Variants in ABCA12 observed in about 807,000 individuals in gnomAD.
The protein encoded by ABCA12 is ATP binding cassette subfamily A member 12.
Under a neutral mutation model 293.5 loss-of-function variants are expected in ABCA12, and 156 were observed. The ratio of observed to expected loss-of-function variants is 0.53; its 90% CI spans 0.47 to 0.61. The LOEUF (loss-of-function observed/expected upper bound fraction) is 0.61. ABCA12 is among the 20% of genes least tolerant of loss of function. ABCA12 has a pLI of 0.00. For missense variants in ABCA12, 2,797 were observed against 3,090.2 expected (o/e 0.91, Z 2.25); for synonymous variants, 1,063 against 1,108.0 (o/e 0.96, Z 0.81).
Position 214,953,927 on chromosome 2 carries a change from C to G in ABCA12, c.6574G>C (p.Ala2192Pro). The G allele has an allele frequency of 1.2e-6, 2 of 1,613,982 alleles. No homozygotes were observed. Among genetic ancestry groups the G allele is most frequent in the Non-Finnish European group, 1.7e-6 (2 of 1,179,966 alleles). The change falls in exon 44 of 53, where the codon GCT (alanine) becomes CCT (proline). Residue 2192 changes from alanine (A) to proline (P), a missense_variant. Ala to Pro is a conservative substitution (Grantham distance 27). Coordinates refer to ENST00000272895, the MANE Select transcript of ABCA12 (RefSeq NM_173076.3). ...EMNKLGAMFV[A>P]LVSQGTMFFS... is the part of the protein sequence containing the mutation. ...AACATGGTGCCCTGAGAAACCAAAG[C>G]CACAAACATTGCACCTAGTTTATTC...
chr2:215,047,088 G>A (rs1701218645), intron 6 of ABCA12, among the ~76,000 whole-genome samples: 1 of 152,124 alleles, frequency 6.6e-6, no homozygotes. Flanking sequence ...TGGATAGGGG[G>A]AGGGAAGACA....
chr2:215,079,915 T>C (rs1483863612), intron 2 of ABCA12, among the ~76,000 whole-genome samples: 1 of 152,158 alleles, frequency 6.6e-6, no homozygotes, highest in African/African-American at 2.4e-5. Flanking sequence ...AATACCAAAA[T>C]ACTGGTTGGG....
At chr2:215,012,542 ACATATTT>A (rs1377107505) in intron 15 of ABCA12, among the ~76,000 whole-genome samples, 5 of 152,234 alleles carry the variant, frequency 3.3e-5, no homozygotes, top group South Asian at 2.1e-4. Flanking sequence ...CAAAAAGACC[ACATATTT>A]CATGATTCAA....
At chr2:215,014,309 G>C (rs1321739773) in intron 15 of ABCA12, among the ~76,000 whole-genome samples, 1 of 152,118 alleles carries the variant, frequency 6.6e-6, no homozygotes, top group African/African-American at 2.4e-5. Context: ...TTTTAAATAG[G>C]GTGGTCAGGG....
chr2:215,027,214 C>CG (rs1259328939), intron 9 of ABCA12, among the ~76,000 whole-genome samples: 1 of 152,002 alleles, frequency 6.6e-6, no homozygotes, highest in Non-Finnish European at 1.5e-5. Context: ...GGCGTGGTGG[C>CG]GGGCGCCTGT....
At chr2:215,024,756 T>G (rs1481211026) in intron 11 of ABCA12, among the ~76,000 whole-genome samples, 3 of 152,176 alleles carry the variant, frequency 2.0e-5, no homozygotes, top group Non-Finnish European at 4.4e-5. Flanking sequence ...TAATTTCACT[T>G]TATTCCTGAC....
At chr2:215,091,279 G>T (rs1702136935) in intron 2 of ABCA12, among the ~76,000 whole-genome samples, 1 of 151,984 alleles carries the variant, frequency 6.6e-6, no homozygotes, top group Admixed American at 6.6e-5. Context: ...CACAGCCTCT[G>T]CTCCCCAACC....
chr2:215,131,081 T>G (rs1007262384), intron 1 of ABCA12, among the ~76,000 whole-genome samples: 3 of 151,936 alleles, frequency 2.0e-5, no homozygotes, highest in African/African-American at 4.8e-5. Context: ...CATCCTTGCT[T>G]CCCTGATCAT....
chr2:214,966,821 A>G, intron 39 of ABCA12, 27 bp downstream of exon 39: 1 of 1,601,184 alleles, frequency 6.2e-7, no homozygotes, highest in Non-Finnish European at 8.6e-7. Flanking sequence ...GTTGCAATAC[A>G]GGACACTTTT....
intron 50 of ABCA12, among the ~76,000 whole-genome samples, chr2:214,938,644 A>G (rs1289341493): frequency 2.0e-5 from 3 of 152,150 alleles, no homozygotes; most frequent in Non-Finnish European, 4.4e-5. Flanking sequence ...CTAACTTTTT[A>G]ACGATCACCA....
intron 51 of ABCA12, among the ~76,000 whole-genome samples, chr2:214,935,183 C>T (rs906467263): frequency 6.6e-6 from 1 of 152,144 alleles, no homozygotes; most frequent in African/African-American, 2.4e-5. Flanking sequence ...GGCCATCTTG[C>T]CTACTTTTGC....
Position 214,954,015 on chromosome 2 carries a change from T to C in ABCA12, c.6486A>G (p.Gln2162=), listed in dbSNP as rs1243533288. ...CTTTTAAGAAGTCTAGGACCGACTG[T>C]TGTTGAGAAAGTTCAATCAAACCGT... ...FGYGLIELSQ[Q]QSVLDFLKAY... The change falls in exon 44 of 53, where the codon CAA becomes CAG. Residue 2162 remains glutamine, a synonymous_variant. Transcript: ENST00000272895. 4 of 1,613,980 alleles carry C rather than the reference T, an allele frequency of 2.5e-6. No homozygotes were observed. The South Asian group carries it at 4.4e-5, about 18-fold the overall frequency.
intron 15 of ABCA12, among the ~76,000 whole-genome samples, chr2:215,014,876 T>C (rs775376232): frequency 3.9e-5 from 6 of 152,236 alleles, no homozygotes; most frequent in Non-Finnish European, 8.8e-5. Flanking sequence ...TGGGTGAACA[T>C]AGGTGCTTAA....
In ABCA12 at chr2:214,956,734, C is replaced by T. The variant is rs143237945; in HGVS notation, c.6162G>A (p.Ala2054=). 579 of 1,613,086 alleles carry T rather than the reference C, an allele frequency of 3.6e-4. No homozygotes were observed. The highest frequency in any genetic ancestry group is 3.6e-4 in the Non-Finnish European group (419 of 1,179,736). The change falls in exon 42 of 53, where the codon GCG becomes GCA. Residue 2054 remains alanine (A), a synonymous_variant. Coordinates refer to ENST00000272895, the MANE Select transcript of ABCA12 (RefSeq NM_173076.3). ...VPVAFSIGII[A]IFKLPAFYSE... ...TGTAGAATGCAGGTAATTTGAAAAT[C>T]GCAATGATACCAATTGAAAACGCTA... is the stretch of plus-strand genomic sequence containing the variant.
intron 1 of ABCA12, among the ~76,000 whole-genome samples, chr2:215,122,545 G>A (rs73076519): frequency 0.048 from 7,294 of 152,208 alleles, 572 homozygotes; most frequent in African/African-American, 0.17. Context: ...AGCAAGTTGG[G>A]GATTGCAGGA....
At position 215,071,196 on chromosome 2, in the gene ABCA12, C is replaced by CAAATAAAATA. The variant is rs149235929; in HGVS notation, c.164-6987_164-6978dup. Among the ~76,000 whole-genome samples the CAAATAAAATA allele has an allele frequency of 4.4e-3, 528 of 120,080 alleles. 7 individuals carry two copies. The highest frequency in any genetic ancestry group is 0.024 in the Middle Eastern group (6 of 248). The allele number at this position is 120,080 out of a possible 152,430, so 78.8% of individuals were successfully genotyped here. A position where few individuals can be genotyped will look rare whatever the true frequency, so the allele number is the denominator to read the frequency against. The stretch of plus-strand genomic sequence containing the variant: ...TGGGCAACAGAGTGAGATCCTGTCT[C>CAAATAAAATA]AAATAAAATAAAATAAAATAAAATA... On this transcript the variant is annotated intron_variant, in intron 2 of 52. Transcript: ENST00000272895.
chr2:215,011,641 G>A lies in ABCA12; in HGVS notation c.2130C>T (p.Tyr710=). The change falls in exon 17 of 53, where the codon TAC becomes TAT. Residue 710 remains tyrosine, a synonymous_variant. Transcript: ENST00000272895. ...PRSVPLTQAM[Y]RSNRMNTPQG... ...GTGGTGTGTTCATTCGGTTGCTTCT[G>A]TACATTGCCTGTGAGACAAAAATCC... 1 of 1,613,984 alleles carries A rather than the reference G, an allele frequency of 6.2e-7. No homozygotes were observed.
chr2:215,125,427 T>A (rs1428991765), intron 1 of ABCA12, among the ~76,000 whole-genome samples: 1 of 152,234 alleles, frequency 6.6e-6, no homozygotes, highest in Non-Finnish European at 1.5e-5. Context: ...TACCCATCCA[T>A]GAGCATGGGA....
chr2:214,970,309 T>G lies in ABCA12; in HGVS notation c.5654A>C (p.Tyr1885Ser). 3 of 1,613,206 alleles carry G rather than the reference T, an allele frequency of 1.9e-6. No individual in the cohort carries two copies. The highest frequency in any genetic ancestry group is 2.5e-6 in the Non-Finnish European group (3 of 1,179,440). Residue 1885 changes from tyrosine (Y) to serine (S), a missense_variant, in exon 37 of 53, where the codon TAT becomes TCT. Physicochemically the swap from Tyr to Ser is moderately radical, Grantham distance 144 (BLOSUM62 -2). Coordinates refer to ENST00000272895, the MANE Select transcript of ABCA12 (RefSeq NM_173076.3). ...YNLTGQRVEN[Y>S]LISTANEFVQ... ...AAACTCATTTGCAGTTGATATAAGA[T>G]AATTTTCCACTCGTTGCCCAGTGAG...
Sources: gnomAD v4.1 joint callset for allele counts (sites outside exome capture counted in the v4.1 genomes callset) on GRCh38, gnomAD v4.1.1 for gene constraint, MANE v1.5 for transcripts, NCBI Gene and HGNC (gene_info 2026-07-23, HGNC 2026-07-21) for gene names.